The following AAK1 variants were observed in gnomAD, a reference collection of about 807,000 sequenced individuals.
AAK1 encodes AP2-associated protein kinase 1.
In AAK1, 37 loss-of-function variants were observed where a neutral mutation model predicts 116.0. The ratio of observed to expected loss-of-function variants is 0.32; its 90% confidence interval spans 0.25 to 0.42. The LOEUF is 0.42. Among genes scored for constraint, AAK1 ranks in the 10% least tolerant of loss-of-function variants. AAK1 has a pLI of 1.00. For missense variants in AAK1, 919 were observed against 1,170.6 expected (o/e 0.79, Z 3.14); for synonymous variants, 458 against 439.9 (o/e 1.04, Z -0.51).
chr2:69,622,348 C>G (rs187543677), intron 2 of AAK1, among the ~76,000 whole-genome samples: 1,566 of 152,072 alleles, frequency 0.01, 21 homozygotes, highest in African/African-American at 0.034. Context: ...CCTGCGCAGC[C>G]GGAGCCTCCC....
chr2:69,637,486 A>T (rs1354071650), intron 2 of AAK1, among the ~76,000 whole-genome samples: 1 of 152,196 alleles, frequency 6.6e-6, no homozygotes, highest in African/African-American at 2.4e-5. Flanking sequence ...CTCCCAATTC[A>T]TAATGCAGTG....
At chr2:69,612,920 C>T (rs889121251) in intron 2 of AAK1, among the ~76,000 whole-genome samples, 5 of 152,118 alleles carry the variant, frequency 3.3e-5, no homozygotes, top group African/African-American at 1.2e-4. Context: ...GGCTTCTGGA[C>T]CTTTAGACAT....
chr2:69,497,383 A>C (rs1221788848), intron 16 of AAK1, among the ~76,000 whole-genome samples: 1 of 143,622 alleles, frequency 7.0e-6, no homozygotes, highest in Non-Finnish European at 1.5e-5. Context: ...GCTCACTGCA[A>C]GCTCTGCCTC....
intron 2 of AAK1, among the ~76,000 whole-genome samples, chr2:69,608,981 A>G (rs1362702541): frequency 6.6e-6 from 1 of 152,248 alleles, no homozygotes; most frequent in Non-Finnish European, 1.5e-5. Context: ...AGACACACAT[A>G]AAAGGAGACA....
chr2:69,476,075 A>C, intron 21 of AAK1, 112 bp from the exon 22 acceptor site: 2 of 1,471,022 alleles, frequency 1.4e-6, no homozygotes. Context: ...AACAAAAAAA[A>C]ACCAAAAAAA....
intron 3 of AAK1, among the ~76,000 whole-genome samples, chr2:69,552,265 A>C (rs1671212997): frequency 6.6e-6 from 1 of 152,240 alleles, no homozygotes; most frequent in South Asian, 2.1e-4. Context: ...GGAATAGAGA[A>C]TAGAGAAAGG....
chr2:69,469,006 T>C lies in AAK1; in HGVS notation c.*6863A>G. On this transcript the variant is annotated 3_prime_UTR_variant, in exon 22 of 22. Coordinates refer to ENST00000409085, the MANE Select transcript of AAK1 (RefSeq NM_014911.5). ...GTCACAAAAACACCAGAATATCAAG[T>C]TTGAAGGGAAAATTAGTCTCCTGTC... The C allele has an allele frequency of 1.0e-6, 1 of 985,384 alleles. No homozygotes were observed. Among genetic ancestry groups the C allele is most frequent in the Non-Finnish European group, 1.2e-6 (1 of 829,892 alleles). 61.0% of individuals were successfully genotyped at this position (985,384 alleles called of 1,614,324 possible). A position where few individuals can be genotyped will look rare whatever the true frequency, so the allele number is the denominator to read the frequency against.
chr2:69,512,960 G>A (rs554180983), intron 13 of AAK1, among the ~76,000 whole-genome samples: 3 of 152,314 alleles, frequency 2.0e-5, no homozygotes, highest in South Asian at 2.1e-4. Context: ...CCATCAGTTC[G>A]TATGTCTTGG....
intron 2 of AAK1, among the ~76,000 whole-genome samples, chr2:69,563,168 T>C (rs1418063469): frequency 6.6e-6 from 1 of 152,216 alleles, no homozygotes; most frequent in East Asian, 1.9e-4. Context: ...GCAAGTAGTA[T>C]ATCTTCTGGC....
rs1427385416 is a variant in AAK1, at chr2:69,598,258, G to C, written c.164-41280C>G. On this transcript the variant is annotated intron_variant, in intron 2 of 21. Coordinates refer to ENST00000409085, the MANE Select transcript of AAK1 (RefSeq NM_014911.5). Reference sequence around the variant, plus strand: ...ACTGAAACCAGAGAAGTTTTTCACAGGTTATCCTCTGAGTAACAATTATTC... The same window carrying C: ...ACTGAAACCAGAGAAGTTTTTCACACGTTATCCTCTGAGTAACAATTATTC... The C allele has an allele frequency of 9.6e-6, 4 of 416,238 alleles. No individual in the cohort carries two copies. The East Asian group carries it at 1.6e-4, about 16-fold the overall frequency. 25.8% of individuals were successfully genotyped at this position (416,238 alleles called of 1,614,324 possible). A position where few individuals can be genotyped will look rare whatever the true frequency, so the allele number is the denominator to read the frequency against.
rs556627891 is a variant in AAK1 at position 69,568,593 on chromosome 2, A to G, written c.164-11615T>C. On this transcript the variant is annotated intron_variant, in intron 2 of 21. Coordinates refer to ENST00000409085, the MANE Select transcript of AAK1 (RefSeq NM_014911.5). ...CTAGAGGTGCATGCCACCACACCCA[A>G]CTAATTTTTAAATTTTTTGTAGAGA... Among the ~76,000 whole-genome samples the G allele has an allele frequency of 8.6e-5, 13 of 151,968 alleles. No homozygotes were observed. In the East Asian group the frequency reaches 9.7e-4, roughly 11 times the overall value.
chr2:69,498,523 GC>G (rs1675843223), intron 16 of AAK1, among the ~76,000 whole-genome samples: 1 of 151,372 alleles, frequency 6.6e-6, no homozygotes, highest in East Asian at 1.9e-4. Flanking sequence ...CACCTCCCCT[GC>G]CCCCGAGAGC....
rs530203436 is a variant in AAK1, at chr2:69,589,506, C to G, written c.164-32528G>C. On this transcript the variant is annotated intron_variant, in intron 2 of 21. Coordinates refer to ENST00000409085, the MANE Select transcript of AAK1 (RefSeq NM_014911.5). ...GGCAGATCACCAGAGGTCAGGAGTT[C>G]GAGACCAGCCTGACCAATATGATGA... is the stretch of plus-strand genomic sequence containing the variant. Among the ~76,000 whole-genome samples the G allele has an allele frequency of 2.7e-4, 41 of 151,924 alleles. 1 individual carries two copies. In the South Asian group the frequency reaches 7.7e-3, roughly 29 times the overall value.
At chr2:69,540,924 T>A (rs775601018) in intron 5 of AAK1, among the ~76,000 whole-genome samples, 1 of 152,206 alleles carries the variant, frequency 6.6e-6, no homozygotes, top group Non-Finnish European at 1.5e-5. Flanking sequence ...TATGAAACTA[T>A]GAAAATGAAG....
chr2:69,484,167 T>A (rs1186379316), intron 17 of AAK1, among the ~76,000 whole-genome samples: 2 of 152,204 alleles, frequency 1.3e-5, no homozygotes, highest in Non-Finnish European at 2.9e-5. Flanking sequence ...TGACTTAAAG[T>A]CCAAGAACGT....
At chr2:69,588,024 A>T (rs1023163336) in intron 2 of AAK1, among the ~76,000 whole-genome samples, 3 of 151,926 alleles carry the variant, frequency 2.0e-5, no homozygotes, top group African/African-American at 7.3e-5. Flanking sequence ...CAGCCTCCCT[A>T]AAGTGCTGGG....
intron 20 of AAK1, among the ~76,000 whole-genome samples, chr2:69,477,789 A>C (rs1674909778): frequency 6.6e-6 from 1 of 152,230 alleles, no homozygotes; most frequent in Non-Finnish European, 1.5e-5. Flanking sequence ...AAACTCAGCT[A>C]TTACCATTGC....
intron 10 of AAK1, 82 bp downstream of exon 10, chr2:69,524,951 A>G (rs538953131): frequency 2.2e-6 from 3 of 1,351,254 alleles, no homozygotes; most frequent in Non-Finnish European, 2.1e-6. Context: ...GACAGCATAC[A>G]TAAGAATCAA....
At chr2:69,609,568 G>A (rs1329211133) in intron 2 of AAK1, among the ~76,000 whole-genome samples, 1 of 151,988 alleles carries the variant, frequency 6.6e-6, no homozygotes, top group Admixed American at 6.6e-5. Context: ...TGAGGCTGAG[G>A]CAGGAGAATC....
Sources: allele counts gnomAD v4.1 joint callset (sites outside exome capture counted in the v4.1 genomes callset), GRCh38; gene constraint gnomAD v4.1.1; transcripts MANE v1.5; gene names NCBI Gene and HGNC (gene_info 2026-07-23, HGNC 2026-07-21).